PAAF1: variants seen among roughly 807,000 people sequenced by gnomAD.
PAAF1 encodes proteasomal ATPase associated factor 1.
A neutral mutation model predicts 52.8 loss-of-function variants in PAAF1; 46 were observed. The observed-to-expected ratio is 0.87, with a 90% confidence interval of 0.69 to 1.11. The LOEUF (loss-of-function observed/expected upper bound fraction) is 1.11. PAAF1 is among the 50% of genes most tolerant of loss of function. The pLI is 0.00. For missense variants in PAAF1, 424 were observed against 477.4 expected (o/e 0.89, Z 1.04); for synonymous variants, 178 against 172.8 (o/e 1.03, Z -0.24).
chr11:73,880,190 C>T (rs1456728898), intron 2 of PAAF1: 2 of 151,920 alleles, frequency 1.3e-5, no homozygotes, highest in Non-Finnish European at 2.9e-5. Flanking sequence ...TACTGGACCT[C>T]CTACCCTGGA....
At position 73,914,365 on chromosome 11, in the gene PAAF1, C is replaced by T. The variant is rs370500568; in HGVS notation, c.728-48C>T. 3.3e-6 allele frequency: 5 copies of T among 1,535,472 alleles called. No homozygotes were observed. The African/African-American group carries it at 6.8e-5, about 21-fold the overall frequency. ...CAGTATTGGTGCTGTGTGGGCACTA[C>T]CAGCTGATCAGCCTCACTGTTATTA... On this transcript the variant is annotated intron_variant, in intron 7 of 11. Transcript: ENST00000310571.
chr11:73,907,444 G>T (rs1190076336), intron 6 of PAAF1, among the ~76,000 whole-genome samples: 1 of 152,158 alleles, frequency 6.6e-6, no homozygotes, highest in Non-Finnish European at 1.5e-5. Context: ...TCATCTTCTT[G>T]GTGAAAGTAG....
intron 7 of PAAF1, among the ~76,000 whole-genome samples, chr11:73,911,373 G>A (rs375573194): frequency 1.3e-5 from 2 of 152,190 alleles, no homozygotes; most frequent in East Asian, 3.9e-4. Flanking sequence ...TGTAGAGACA[G>A]GGTCTCACTA....
chr11:73,885,008 C>T (rs1297420419), intron 2 of PAAF1, among the ~76,000 whole-genome samples: 1 of 151,006 alleles, frequency 6.6e-6, no homozygotes, highest in Non-Finnish European at 1.5e-5. Flanking sequence ...TACAGGCGCC[C>T]GCCACTACGC....
At position 73,882,845 on chromosome 11, in the gene PAAF1, C is replaced by G. The variant is rs1028808351; in HGVS notation, c.88+4026C>G. 2.0e-5 allele frequency among the ~76,000 whole-genome samples: 3 copies of G among 151,884 alleles called. No homozygotes were observed. The South Asian group carries it at 6.2e-4, about 32-fold the overall frequency. On this transcript the variant is annotated intron_variant, in intron 2 of 11. Coordinates refer to ENST00000310571, the MANE Select transcript of PAAF1 (RefSeq NM_025155.3). Reference sequence around the variant, plus strand: ...GTCTCGAACTCCTGACCTTGAGATCCGCCCACCTCGGCCTCCCAAAGTGCT... The same window carrying G: ...GTCTCGAACTCCTGACCTTGAGATCGGCCCACCTCGGCCTCCCAAAGTGCT...
intron 2 of PAAF1, among the ~76,000 whole-genome samples, chr11:73,883,860 C>T (rs1236658500): frequency 1.3e-5 from 2 of 151,906 alleles, no homozygotes; most frequent in African/African-American, 2.4e-5. Flanking sequence ...TTTTGTGGCC[C>T]GGTAATACTC....
chr11:73,905,355 C>G (rs1949727964), intron 6 of PAAF1, among the ~76,000 whole-genome samples: 1 of 151,998 alleles, frequency 6.6e-6, no homozygotes, highest in Non-Finnish European at 1.5e-5. Context: ...TCCCAAGTAG[C>G]TGGGACTACA....
intron 4 of PAAF1, among the ~76,000 whole-genome samples, chr11:73,897,128 C>T (rs1250016800): frequency 2.9e-5 from 4 of 138,126 alleles, no homozygotes; most frequent in South Asian, 2.4e-4. Flanking sequence ...CCAGTAGGGG[C>T]GGCCGGGCAG....
chr11:73,895,524 G>C (rs550003281), intron 4 of PAAF1, among the ~76,000 whole-genome samples: 2 of 152,160 alleles, frequency 1.3e-5, no homozygotes, highest in Non-Finnish European at 2.9e-5. Context: ...AGAGTTGATG[G>C]ATATATCCCT....
rs770547570 is a variant in PAAF1, at chr11:73,924,664, G to C, written c.1068G>C (p.Glu356Asp). 34 of 1,613,952 alleles carry C rather than the reference G, an allele frequency of 2.1e-5. No homozygotes were observed. The highest frequency in any genetic ancestry group is 2.5e-5 in the Non-Finnish European group (29 of 1,179,966). ...IVQQDLDYVT[E>D]LTGADCDPVY... ...AGCAAGACTTAGACTATGTCACTGA[G>C]CTCACTGGGGCTGACTGTGACCCTG... The change falls in exon 11 of 12, where the codon GAG becomes GAC. Residue 356 changes from glutamate to aspartate, a missense_variant. By Grantham distance (45) the Glu-to-Asp change is conservative. Transcript: ENST00000310571.
intron 7 of PAAF1, among the ~76,000 whole-genome samples, chr11:73,910,593 G>T (rs1949901111): frequency 6.6e-6 from 1 of 152,114 alleles, no homozygotes; most frequent in African/African-American, 2.4e-5. Flanking sequence ...TTGCATCTCT[G>T]TTCCATAGGA....
Position 73,918,969 on chromosome 11 carries a change from C to T in PAAF1, c.955C>T (p.His319Tyr). The change falls in exon 10 of 12, where the codon CAC (histidine) becomes TAC (tyrosine). Residue 319 changes from histidine (H) to tyrosine (Y), a missense_variant. His to Tyr is a moderately conservative substitution (Grantham distance 83). Transcript: ENST00000310571. ...TCCTAGGGCTCCGGTACAAGTCATC[C>T]ACAGATCAGGAGCACCAGTTCTATC... ...RSPRAPVQVIHRSGAPVLSLL... is the reference protein window; with the variant it reads ...RSPRAPVQVIYRSGAPVLSLL... 1 of 1,613,238 alleles carries T rather than the reference C, an allele frequency of 6.2e-7. No individual in the cohort carries two copies. The highest frequency in any genetic ancestry group is 2.2e-5 in the East Asian group (1 of 44,876).
Position 73,877,014 on chromosome 11 carries a change from G to C in PAAF1, c.-8G>C. 2 of 1,533,174 alleles carry C rather than the reference G, an allele frequency of 1.3e-6. No homozygotes were observed. Among genetic ancestry groups the C allele is most frequent in the African/African-American group, 1.4e-5 (1 of 72,544 alleles). 95.0% of individuals were successfully genotyped at this position (1,533,174 alleles called of 1,614,324 possible). ...CGGAAGAGGTGGGCTGGTGGAGGCG[G>C]GGTCGAGATGGCGGCGCCTTTGAGG... On this transcript the variant is annotated 5_prime_UTR_variant, in exon 1 of 12. Transcript: ENST00000310571.
chr11:73,914,973 G>A (rs989804321), intron 8 of PAAF1, among the ~76,000 whole-genome samples: 14 of 152,068 alleles, frequency 9.2e-5, no homozygotes, highest in African/African-American at 3.1e-4. Context: ...CCAAAGTACT[G>A]GGAGTACAGA....
In PAAF1 at chr11:73,918,935, T is replaced by C; in HGVS notation, c.936-15T>C. 6.2e-7 allele frequency: 1 copy of C among 1,609,812 alleles called. No homozygotes were observed. Among genetic ancestry groups the C allele is most frequent in the Non-Finnish European group, 8.5e-7 (1 of 1,177,028 alleles). ...GAAGAAAGAAAGTAAAATTTCCCCT[T>C]TCTCTGAATCCTAGGGCTCCGGTAC... On this transcript the variant is annotated splice_polypyrimidine_tract_variant and intron_variant, in intron 9 of 11. Transcript: ENST00000310571.
At chr11:73,911,882 C>T (rs115663103) in intron 7 of PAAF1, among the ~76,000 whole-genome samples, 1,586 of 151,836 alleles carry the variant, frequency 0.01, 30 homozygotes, top group African/African-American at 0.035. Flanking sequence ...GATCCACCCT[C>T]CTAAGCCTCC....
At chr11:73,902,365 T>C (rs1949646044) in intron 6 of PAAF1, among the ~76,000 whole-genome samples, 2 of 152,114 alleles carry the variant, frequency 1.3e-5, no homozygotes, top group Non-Finnish European at 2.9e-5. Context: ...AACTGAGAGA[T>C]TGAAGGAGTC....
At chr11:73,886,318 G>A (rs1456105765) in intron 2 of PAAF1, among the ~76,000 whole-genome samples, 1 of 152,140 alleles carries the variant, frequency 6.6e-6, no homozygotes, top group East Asian at 1.9e-4. Flanking sequence ...CACTCTAAAA[G>A]CCCTCTCTAC....
At chr11:73,877,203 T>G (rs1591027408) in intron 1 of PAAF1, 135 bp downstream of exon 1, 5 of 950,560 alleles carry the variant, frequency 5.3e-6, no homozygotes, top group Non-Finnish European at 7.2e-6. Context: ...GGGAACAGGG[T>G]CCGGAAAAAG....
Sources: allele counts gnomAD v4.1 joint callset (sites outside exome capture counted in the v4.1 genomes callset), GRCh38; gene constraint gnomAD v4.1.1; transcripts MANE v1.5; gene names NCBI Gene and HGNC (gene_info 2026-07-23, HGNC 2026-07-21).